Variants in ERMP1 observed in about 807,000 individuals in gnomAD.
ERMP1 encodes endoplasmic reticulum metallopeptidase 1, also known as Felix-ina.
Under a neutral mutation model 92.0 loss-of-function variants are expected in ERMP1, and 86 were observed. That is an observed-to-expected ratio of 0.93 (90% CI 0.79 to 1.12). ERMP1 has a LOEUF of 1.12. Ranked by LOEUF, ERMP1 falls within the 50% of genes most tolerant of loss-of-function variation. The probability of loss-of-function intolerance (pLI) is 0.00; values close to 1 mark genes in which losing one functional copy is unlikely to be tolerated. For missense variants in ERMP1, 1,342 were observed against 1,116.3 expected, an observed-to-expected ratio of 1.20 and a Z score of -2.88; for synonymous variants, 530 against 412.8, an observed-to-expected ratio of 1.28 and a Z score of -3.44.
intron 5 of ERMP1, among the ~76,000 whole-genome samples, chr9:5,863,815 C>G (rs541435066): frequency 6.6e-6 from 1 of 152,300 alleles, no homozygotes; most frequent in East Asian, 1.9e-4. Flanking sequence ...TGGGAACATT[C>G]TATTTTATAA....
At chr9:5,827,543 G>A (rs1157081779) in intron 2 of ERMP1, among the ~76,000 whole-genome samples, 2 of 152,162 alleles carry the variant, frequency 1.3e-5, no homozygotes, top group South Asian at 2.1e-4. Context: ...GTTGCTAAGG[G>A]TATTCCTATA....
At chr9:5,827,147 T>A (rs1187454178) in intron 2 of ERMP1, among the ~76,000 whole-genome samples, 1 of 152,156 alleles carries the variant, frequency 6.6e-6, no homozygotes, top group Non-Finnish European at 1.5e-5. Context: ...TCCTAATTGG[T>A]ATCAATTCCT....
At chr9:5,863,611 G>T (rs972996328) in intron 5 of ERMP1, among the ~76,000 whole-genome samples, 1 of 152,128 alleles carries the variant, frequency 6.6e-6, no homozygotes, top group Non-Finnish European at 1.5e-5. Context: ...ATCAACAAGC[G>T]TTACTGTTGA....
At chr9:5,795,354 CA>C (rs1219945524) in intron 13 of ERMP1, among the ~76,000 whole-genome samples, 1 of 152,210 alleles carries the variant, frequency 6.6e-6, no homozygotes, top group African/African-American at 2.4e-5. Context: ...TCCCCTCTCA[CA>C]ACGCCTTGTC....
intron 10 of ERMP1, 60 bp downstream of exon 10, chr9:5,804,967 T>C (rs1390447513): frequency 7.7e-7 from 1 of 1,302,878 alleles, no homozygotes; most frequent in African/African-American, 1.5e-5. Context: ...GAATCTAGTA[T>C]GGCTAAATTC....
At chr9:5,856,716 C>T (rs762687229) in intron 6 of ERMP1, among the ~76,000 whole-genome samples, 1 of 152,152 alleles carries the variant, frequency 6.6e-6, no homozygotes, top group Non-Finnish European at 1.5e-5. Context: ...TCAGGTCTGG[C>T]GAGTCTCTGG....
At chr9:5,789,407 T>C (rs1369158115) in intron 13 of ERMP1, among the ~76,000 whole-genome samples, 2 of 152,234 alleles carry the variant, frequency 1.3e-5, no homozygotes, top group Non-Finnish European at 2.9e-5. Context: ...AGATTTTATG[T>C]CCACCAACTT....
chr9:5,843,626 T>C (rs1358745555), intron 6 of ERMP1, among the ~76,000 whole-genome samples: 2 of 152,216 alleles, frequency 1.3e-5, no homozygotes. Flanking sequence ...AGGTCAGTCT[T>C]GTCAAATGCC....
intron 10 of ERMP1, among the ~76,000 whole-genome samples, chr9:5,802,026 C>T (rs977707524): frequency 6.6e-6 from 1 of 152,176 alleles, no homozygotes; most frequent in Non-Finnish European, 1.5e-5. Context: ...AGAGTATGTC[C>T]ACAGATCCCT....
In ERMP1 at chr9:5,812,999, G is replaced by C. The variant is rs1292928920; in HGVS notation, c.911C>G (p.Ser304Ter). 6.2e-7 allele frequency: 1 copy of C among 1,614,018 alleles called. No individual in the cohort carries two copies. Among genetic ancestry groups the C allele is most frequent in the Non-Finnish European group, 8.5e-7 (1 of 1,179,924 alleles). The change falls in exon 5 of 15, where the codon TCA becomes TGA. Residue 304 changes from serine (S) to a stop codon, truncating the protein, a stop_gained. Coordinates refer to ENST00000339450, the MANE Select transcript of ERMP1 (RefSeq NM_024896.3). LOFTEE classifies it high-confidence loss of function. ...AGAAGCAAAAGGGTGTTTAGCTGCT[G>C]AAACATAAGCTTGAACCAACCAAGG... Reference protein sequence around the residue: ...ENPWLVQAYVSAAKHPFASVV... With the variant: ...ENPWLVQAYV
intron 2 of ERMP1, among the ~76,000 whole-genome samples, chr9:5,826,331 G>C (rs1201024651): frequency 6.6e-6 from 1 of 152,208 alleles, no homozygotes; most frequent in African/African-American, 2.4e-5. Flanking sequence ...GTTTGGCGTG[G>C]ATTTGAGAGC....
chr9:5,785,799 TCTTTC>T lies in ERMP1; in HGVS notation c.*1340_*1344del, dbSNP rs562239021. On this transcript the variant is annotated 3_prime_UTR_variant, in exon 15 of 15. Transcript: ENST00000339450. ...ACCCTTTTTTGTTAACTGTGCCTTT[TCTTTC>T]AACTTTTTGTCCTTGTTAAAACTCA... is the stretch of plus-strand genomic sequence containing the variant. 6.6e-5 allele frequency: 10 copies of T among 152,412 alleles called. No homozygotes were observed. Among genetic ancestry groups the T allele is most frequent in the African/African-American group, 2.4e-4 (10 of 41,598 alleles). The allele number at this position is 152,412 out of a possible 1,614,324, so 9.4% of individuals were successfully genotyped here.
In ERMP1 at chr9:5,806,624, G is replaced by A. The variant is rs1828884091; in HGVS notation, c.1549-839C>T. 2.0e-5 allele frequency among the ~76,000 whole-genome samples: 3 copies of A among 151,396 alleles called. 1 individual carries two copies. Among genetic ancestry groups the A allele is most frequent in the African/African-American group, 7.3e-5 (3 of 41,188 alleles). ...TAAAAAAAACATTTTTTTTTTGGCA[G>A]AGACAGGGTCTTGCCATGTTGCTCA... On this transcript the variant is annotated intron_variant, in intron 8 of 14. Coordinates refer to ENST00000339450, the MANE Select transcript of ERMP1 (RefSeq NM_024896.3).
Position 5,810,123 on chromosome 9 carries a change from C to A in ERMP1, c.1436G>T (p.Gly479Val). The A allele has an allele frequency of 6.2e-7, 1 of 1,613,828 alleles. No homozygotes were observed. The highest frequency in any genetic ancestry group is 8.5e-7 in the Non-Finnish European group (1 of 1,179,772). The change falls in exon 8 of 15, where the codon GGA becomes GTA. Residue 479 changes from glycine (G) to valine (V), a missense_variant. Physicochemically the swap from Gly to Val is moderately radical, Grantham distance 109. Transcript: ENST00000339450. ...GTGGTTATACCATGAGAGAGACTGT[C>A]CAATAAGAGAGATGAACACTGCTAT... The part of the protein sequence containing the change: ...LIIAVFISLI[G>V]QSLSWYNHFY...
In ERMP1 at chr9:5,797,865, TG is replaced by T. The variant is rs746291701; in HGVS notation, c.2337del (p.Glu781AsnfsTer8). ...PRNPPHFRLI[S>X]KEQTPWDSIK... ...ATAGAATCCCAAGGTGTCTGTTCTTTGGATATGAGTCGGAAATGAGGAGGAT... is the reference window on the plus strand; with the variant it reads ...ATAGAATCCCAAGGTGTCTGTTCTTTGATATGAGTCGGAAATGAGGAGGAT... On this transcript the variant is annotated frameshift_variant, in exon 13 of 15. Coordinates refer to ENST00000339450, the MANE Select transcript of ERMP1 (RefSeq NM_024896.3). LOFTEE classifies it high-confidence loss of function. The T allele has an allele frequency of 1.2e-6, 2 of 1,613,824 alleles. No homozygotes were observed. Among genetic ancestry groups the T allele is most frequent in the Non-Finnish European group, 1.7e-6 (2 of 1,179,808 alleles).
intron 13 of ERMP1, among the ~76,000 whole-genome samples, chr9:5,789,852 T>TG (rs1476137921): frequency 6.6e-6 from 1 of 151,408 alleles, no homozygotes; most frequent in African/African-American, 2.4e-5. Context: ...CTGGCCTTTT[T>TG]TTTTTTTTTT....
rs771369193 is a variant in ERMP1 at position 5,805,669 on chromosome 9, G to C, written c.1665C>G (p.Val555=). The stretch of plus-strand genomic sequence containing the variant: ...TTGTGAGCAATGGGAATGCTACCCA[G>C]ACAGCACTAATAAACGCCGAGCAAA... ...QGLCSAFISA[V]WVAFPLLTKL... The change falls in exon 9 of 15, where the codon GTC becomes GTG. Residue 555 remains valine, a synonymous_variant. Transcript: ENST00000339450. The C allele has an allele frequency of 8.7e-6, 14 of 1,613,108 alleles. No homozygotes were observed. The highest frequency in any genetic ancestry group is 1.2e-5 in the Non-Finnish European group (14 of 1,179,630).
At chr9:5,809,946 A>C (rs1327104246) in intron 8 of ERMP1, 65 bp downstream of exon 8, 1 of 1,150,102 alleles carries the variant, frequency 8.7e-7, no homozygotes, top group South Asian at 1.3e-5. Flanking sequence ...AATGAATCAC[A>C]CTTAAGTTCA....
chr9:5,810,231 G>C lies in ERMP1; in HGVS notation c.1328C>G (p.Thr443Ser). The C allele has an allele frequency of 6.2e-7, 1 of 1,611,376 alleles. No individual in the cohort carries two copies. Among genetic ancestry groups the C allele is most frequent in the Non-Finnish European group, 8.5e-7 (1 of 1,178,214 alleles). The part of the protein sequence containing the change: ...GKKFLQPKHK[T>S]GNYKKDFLCG... ...CAAGAAGTCCTTCTTGTAGTTACCA[G>C]CTAATGAAGAGAAAACAAAAAGTTG... The change falls in exon 8 of 15, where the codon ACT (threonine) becomes AGT (serine). Residue 443 changes from threonine to serine, a missense_variant and splice_region_variant. By Grantham distance (58) the Thr-to-Ser change is moderately conservative. Coordinates refer to ENST00000339450, the MANE Select transcript of ERMP1 (RefSeq NM_024896.3).
Sources: allele counts gnomAD v4.1 joint callset (sites outside exome capture counted in the v4.1 genomes callset), GRCh38; gene constraint gnomAD v4.1.1; transcripts MANE v1.5; gene names NCBI Gene and HGNC (gene_info 2026-07-23, HGNC 2026-07-21).